The following STXBP5L variants were observed in gnomAD, a reference collection of about 807,000 sequenced individuals.
STXBP5L encodes the protein syntaxin-binding protein 5-like.
A neutral mutation model predicts 144.5 loss-of-function variants in STXBP5L; 65 were observed. The ratio of observed to expected loss-of-function variants is 0.45; its 90% CI spans 0.37 to 0.55. The LOEUF is 0.55. Ranked by LOEUF, STXBP5L falls within the 20% of genes least tolerant of loss-of-function variation. STXBP5L has a pLI of 0.00. For synonymous variants in STXBP5L, 505 were observed against 469.6 expected, an observed-to-expected ratio of 1.08 and a Z score of -0.97; for missense variants, 1,298 against 1,405.5, an observed-to-expected ratio of 0.92 and a Z score of 1.22.
At chr3:121,276,500 G>A (rs561102862) in intron 18 of STXBP5L, among the ~76,000 whole-genome samples, 2 of 151,510 alleles carry the variant, frequency 1.3e-5, no homozygotes, top group Non-Finnish European at 3.0e-5. Context: ...ATTTTTTTCT[G>A]TCTAAGATTT....
intron 3 of STXBP5L, among the ~76,000 whole-genome samples, chr3:121,004,619 G>A (rs1330576150): frequency 1.3e-5 from 2 of 152,056 alleles, no homozygotes; most frequent in Non-Finnish European, 2.9e-5. Context: ...GGGCATCCCT[G>A]TCTTGTGCCA....
chr3:121,351,498 G>T (rs533898408), intron 20 of STXBP5L, among the ~76,000 whole-genome samples: 63 of 152,284 alleles, frequency 4.1e-4, no homozygotes, highest in African/African-American at 1.5e-3. Context: ...CTTTTGAGAA[G>T]TGTCTGTTCA....
intron 20 of STXBP5L, among the ~76,000 whole-genome samples, chr3:121,347,753 C>T (rs964364321): frequency 6.6e-6 from 1 of 152,066 alleles, no homozygotes; most frequent in African/African-American, 2.4e-5. Context: ...ATTTGGCTCT[C>T]TTTTTGTCTG....
chr3:120,978,048 T>A (rs1288409849), intron 3 of STXBP5L, among the ~76,000 whole-genome samples: 2 of 152,170 alleles, frequency 1.3e-5, no homozygotes, highest in Non-Finnish European at 2.9e-5. Context: ...TCAAGGAGGA[T>A]CTTTGTGGCA....
intron 3 of STXBP5L, among the ~76,000 whole-genome samples, chr3:120,999,283 T>G (rs1312279586): frequency 6.6e-6 from 1 of 152,158 alleles, no homozygotes; most frequent in Non-Finnish European, 1.5e-5. Context: ...GAACTCCTGA[T>G]CTGAAGTGAT....
chr3:121,125,654 GTCTCCCAAACAAATGC>G lies in STXBP5L; in HGVS notation c.669+3963_669+3978del, dbSNP rs560976347. On this transcript the variant is annotated intron_variant, in intron 7 of 26. Coordinates refer to ENST00000471454, the MANE Select transcript of STXBP5L (RefSeq NM_001308330.2). Reference sequence around the variant, plus strand: ...TGCTTGAATTCTCTTAGCTTCTCTTGTCTCCCAAACAAATGCTCTCCCAAACAACGGCTGTTTGCTT... The same window carrying G: ...TGCTTGAATTCTCTTAGCTTCTCTTGTCTCCCAAACAACGGCTGTTTGCTT... Among the ~76,000 whole-genome samples the G allele has an allele frequency of 4.6e-5, 7 of 152,132 alleles. No individual in the cohort carries two copies. In the South Asian group the frequency reaches 1.5e-3, roughly 32 times the overall value.
At chr3:121,090,867 T>A (rs1367635915) in intron 5 of STXBP5L, among the ~76,000 whole-genome samples, 1 of 151,968 alleles carries the variant, frequency 6.6e-6, no homozygotes, top group Admixed American at 6.6e-5. Flanking sequence ...CATGCTGGTG[T>A]GCTGCACCCA....
chr3:121,140,901 T>C (rs1162176381), intron 7 of STXBP5L, among the ~76,000 whole-genome samples: 2 of 152,130 alleles, frequency 1.3e-5, no homozygotes, highest in East Asian at 3.9e-4. Context: ...TGTGATCTTA[T>C]CACAAAATGA....
At chr3:120,978,318 T>C (rs1941330460) in intron 3 of STXBP5L, among the ~76,000 whole-genome samples, 1 of 152,246 alleles carries the variant, frequency 6.6e-6, no homozygotes, top group East Asian at 1.9e-4. Flanking sequence ...CTGATACCCT[T>C]TCTTCCAGTT....
intron 9 of STXBP5L, among the ~76,000 whole-genome samples, chr3:121,203,950 T>G (rs1463640993): frequency 6.6e-6 from 1 of 152,082 alleles, no homozygotes. Flanking sequence ...TTAAGACTAT[T>G]GTTCAGGGCT....
At chr3:121,276,359 C>G (rs149540650) in intron 18 of STXBP5L, among the ~76,000 whole-genome samples, 2 of 151,990 alleles carry the variant, frequency 1.3e-5, no homozygotes, top group African/African-American at 4.8e-5. Context: ...CCGCATAATA[C>G]ATTGTTATTA....
At chr3:121,243,707 G>A (rs956512081) in intron 14 of STXBP5L, among the ~76,000 whole-genome samples, 1 of 151,978 alleles carries the variant, frequency 6.6e-6, no homozygotes, top group African/African-American at 2.4e-5. Context: ...ATTGACTTTG[G>A]AAATAAAAGA....
chr3:121,054,319 T>C lies in STXBP5L; in HGVS notation c.470+8784T>C, dbSNP rs143703466. On this transcript the variant is annotated intron_variant, in intron 5 of 26. Transcript: ENST00000471454. The stretch of plus-strand genomic sequence containing the variant: ...ATGTTTATTGTGGCACTATTCACAA[T>C]AGCAAAGACTTGGAACCAACCCAAA... 7.0e-4 allele frequency among the ~76,000 whole-genome samples: 107 copies of C among 152,168 alleles called. No individual in the cohort carries two copies. The East Asian group carries it at 0.015, about 21-fold the overall frequency.
chr3:120,982,976 A>G (rs1223930336), intron 3 of STXBP5L, among the ~76,000 whole-genome samples: 3 of 152,216 alleles, frequency 2.0e-5, no homozygotes, highest in Non-Finnish European at 2.9e-5. Flanking sequence ...ATGCTCAGGC[A>G]GGGTGGCTGT....
Position 121,065,580 on chromosome 3 carries a change from A to G in STXBP5L, c.470+20045A>G, listed in dbSNP as rs146522913. Among the ~76,000 whole-genome samples, 11 of 152,278 alleles carry G rather than the reference A, an allele frequency of 7.2e-5. No individual in the cohort carries two copies. The East Asian group carries it at 2.1e-3, about 29-fold the overall frequency. On this transcript the variant is annotated intron_variant, in intron 5 of 26. Transcript: ENST00000471454. The stretch of plus-strand genomic sequence containing the variant: ...AGTTGAGTTTACAAAAAGTTTTAAA[A>G]ATGTTTTTTCAGAGATAGAGCCTCA...
At chr3:121,283,891 G>T (rs2051143569) in intron 19 of STXBP5L, among the ~76,000 whole-genome samples, 1 of 131,262 alleles carries the variant, frequency 7.6e-6, no homozygotes, top group Admixed American at 7.3e-5. Flanking sequence ...ATTTGTGTGT[G>T]TGCTTGTGTG....
At chr3:121,111,677 G>GT (rs2043993788) in intron 5 of STXBP5L, among the ~76,000 whole-genome samples, 1 of 152,214 alleles carries the variant, frequency 6.6e-6, no homozygotes, top group African/African-American at 2.4e-5. Flanking sequence ...GGTGACCCTT[G>GT]TTGGGGGGTT....
intron 22 of STXBP5L, among the ~76,000 whole-genome samples, chr3:121,387,213 G>A (rs969132419): frequency 1.3e-5 from 2 of 152,178 alleles, no homozygotes; most frequent in African/African-American, 4.8e-5. Context: ...CTTTTGAGAA[G>A]TGTCTGTTCA....
intron 19 of STXBP5L, among the ~76,000 whole-genome samples, chr3:121,308,926 A>G (rs1434550571): frequency 6.6e-6 from 1 of 152,186 alleles, no homozygotes; most frequent in Non-Finnish European, 1.5e-5. Context: ...GTCAGTATAC[A>G]TCTGAAGTAG....
Sources: allele counts gnomAD v4.1 joint callset (sites outside exome capture counted in the v4.1 genomes callset), GRCh38; gene constraint gnomAD v4.1.1; transcripts MANE v1.5; gene names NCBI Gene and HGNC (gene_info 2026-07-23, HGNC 2026-07-21).